Variants in FHIP1A observed in about 807,000 individuals in gnomAD.
FHIP1A encodes the protein FHF complex subunit HOOK-interacting protein 1A.
In FHIP1A, 61 loss-of-function variants were observed where a neutral mutation model predicts 88.6. The observed-to-expected ratio is 0.69, with a 90% confidence interval of 0.56 to 0.85. FHIP1A has a LOEUF of 0.85. Ranked by LOEUF, FHIP1A falls within the 40% of genes least tolerant of loss-of-function variation. The probability of loss-of-function intolerance (pLI) is 0.00; values close to 1 mark genes in which losing one functional copy is unlikely to be tolerated. For missense variants in FHIP1A, 1,154 were observed against 1,273.5 expected, an observed-to-expected ratio of 0.91 and a Z score of 1.43; for synonymous variants, 478 against 496.0, an observed-to-expected ratio of 0.96 and a Z score of 0.48.
At chr4:151,634,048 A>T (rs1272889674) in intron 8 of FHIP1A, among the ~76,000 whole-genome samples, 1 of 151,856 alleles carries the variant, frequency 6.6e-6, no homozygotes, top group Non-Finnish European at 1.5e-5. Context: ...TCACCAAAAA[A>T]CTGTTAGAAC....
At chr4:151,467,954 ACGCT>A (rs1729379534) in intron 2 of FHIP1A, among the ~76,000 whole-genome samples, 1 of 150,930 alleles carries the variant, frequency 6.6e-6, no homozygotes, top group Non-Finnish European at 1.5e-5. Flanking sequence ...TATGTAACAA[ACGCT>A]CACGTTCTGC....
chr4:151,538,568 A>G (rs1206027310), intron 3 of FHIP1A, among the ~76,000 whole-genome samples: 1 of 152,166 alleles, frequency 6.6e-6, no homozygotes, highest in Non-Finnish European at 1.5e-5. Context: ...ACCTTGAGCC[A>G]TTACTATTTC....
intron 3 of FHIP1A, among the ~76,000 whole-genome samples, chr4:151,526,904 G>A (rs928429020): frequency 6.0e-5 from 9 of 149,732 alleles, no homozygotes; most frequent in Non-Finnish European, 8.9e-5. Flanking sequence ...GGGCAGAGGC[G>A]CTCCCCACAT....
chr4:151,636,223 G>C (rs1474845634), intron 8 of FHIP1A, among the ~76,000 whole-genome samples: 1 of 151,920 alleles, frequency 6.6e-6, no homozygotes, highest in Non-Finnish European at 1.5e-5. Flanking sequence ...AAAACATCAT[G>C]ATTATCAACA....
At position 151,649,907 on chromosome 4, in the gene FHIP1A, G is replaced by T. The variant is rs750377593; in HGVS notation, c.1866G>T (p.Lys622Asn). ...DPPKHIQEMKKNALLLFKGSY... is the reference protein window; with the variant it reads ...DPPKHIQEMKNNALLLFKGSY... ...CCAAACACATCCAGGAGATGAAGAA[G>T]AATGCCCTCCTGCTCTTCAAAGGGT... Residue 622 changes from lysine to asparagine, a missense_variant, in exon 11 of 14, where the codon AAG becomes AAT. By Grantham distance (94) the Lys-to-Asn change is moderately conservative (BLOSUM62 0). Transcript: ENST00000435205. The T allele has an allele frequency of 3.9e-6, 6 of 1,551,490 alleles. No individual in the cohort carries two copies. Among genetic ancestry groups the T allele is most frequent in the Admixed American group, 2.0e-5 (1 of 50,986 alleles).
At chr4:151,461,583 C>T (rs562818758) in intron 2 of FHIP1A, among the ~76,000 whole-genome samples, 93 of 152,170 alleles carry the variant, frequency 6.1e-4, no homozygotes, top group Non-Finnish European at 6.9e-4. Flanking sequence ...ATCAAAACAT[C>T]GCTAGGTACC....
chr4:151,577,701 A>T lies in FHIP1A; in HGVS notation c.357A>T (p.Leu119=). The change falls in exon 5 of 14, where the codon CTA becomes CTT. Residue 119 remains leucine (L), a synonymous_variant. Coordinates refer to ENST00000435205, the MANE Select transcript of FHIP1A (RefSeq NM_001109977.3). ...EFTDETKIEQ[L]KMYEMLVTQS... ...CTGATGAGACTAAAATTGAGCAGCTAAAGATGTATGAGATGTTGGTCACCC... is the reference window on the plus strand; with the variant it reads ...CTGATGAGACTAAAATTGAGCAGCTTAAGATGTATGAGATGTTGGTCACCC... 6.4e-7 allele frequency: 1 copy of T among 1,551,634 alleles called. No individual in the cohort carries two copies. The highest frequency in any genetic ancestry group is 8.7e-7 in the Non-Finnish European group (1 of 1,146,996).
chr4:151,503,149 A>C (rs564728176), intron 3 of FHIP1A, among the ~76,000 whole-genome samples: 1 of 152,266 alleles, frequency 6.6e-6, no homozygotes, highest in African/African-American at 2.4e-5. Flanking sequence ...TTTATTCCAA[A>C]GGTAGGTTAG....
chr4:151,454,722 G>A lies in FHIP1A; in HGVS notation c.-334G>A, dbSNP rs1728910894. On this transcript the variant is annotated 5_prime_UTR_variant, in exon 2 of 14. Transcript: ENST00000435205. ...CCAGGTGATACACTTGGGTGTTGAA[G>A]GACATTTTTGAAATCATGAGAACTC... The A allele has an allele frequency of 6.6e-6, 1 of 151,740 alleles. No homozygotes were observed. The highest frequency in any genetic ancestry group is 1.5e-5 in the Non-Finnish European group (1 of 67,946). 9.4% of individuals were successfully genotyped at this position (151,740 alleles called of 1,614,324 possible). A position where few individuals can be genotyped will look rare whatever the true frequency, so the allele number is the denominator to read the frequency against.
At chr4:151,571,486 G>A (rs1159901100) in intron 4 of FHIP1A, among the ~76,000 whole-genome samples, 2 of 152,162 alleles carry the variant, frequency 1.3e-5, no homozygotes, top group East Asian at 1.9e-4. Flanking sequence ...TAAGTCAAAT[G>A]TCTTCCCACA....
intron 8 of FHIP1A, 94 bp from the exon 9 acceptor site, chr4:151,638,583 A>C: frequency 7.3e-6 from 5 of 680,344 alleles, no homozygotes; most frequent in South Asian, 2.3e-5. Flanking sequence ...AAAAAAGGCC[A>C]TTATATTTTG....
At chr4:151,560,039 A>G (rs1440613553) in intron 3 of FHIP1A, among the ~76,000 whole-genome samples, 1 of 152,126 alleles carries the variant, frequency 6.6e-6, no homozygotes, top group Non-Finnish European at 1.5e-5. Context: ...GAAGCGGGGC[A>G]CCTCATGGAC....
In FHIP1A at chr4:151,665,047, T is replaced by C. The variant is rs941254346; in HGVS notation, c.*2293T>C. 2.6e-5 allele frequency among the ~76,000 whole-genome samples: 4 copies of C among 152,190 alleles called. No individual in the cohort carries two copies. Among genetic ancestry groups the C allele is most frequent in the Non-Finnish European group, 4.4e-5 (3 of 68,044 alleles). On this transcript the variant is annotated 3_prime_UTR_variant, in exon 14 of 14. Transcript: ENST00000435205. ...TAGAGTGGAGTGGTGTGATCACAGC[T>C]CATTGTAGCCTCAACCTCCTGGGCT...
rs56199696 is a variant in FHIP1A at position 151,445,849 on chromosome 4, A to AATATATATATAT, written c.-355-8839_-355-8828dup. On this transcript the variant is annotated intron_variant, in intron 1 of 13. Coordinates refer to ENST00000435205, the MANE Select transcript of FHIP1A (RefSeq NM_001109977.3). ...CAGCCTGAGAGACCTCATCTCTTAA[A>AATATATATATAT]ATATATATATATATATATATATATT... Among the ~76,000 whole-genome samples, 420 of 97,986 alleles carry AATATATATATAT rather than the reference A, an allele frequency of 4.3e-3. 19 individuals carry two copies. Among genetic ancestry groups the AATATATATATAT allele is most frequent in the South Asian group, 8.0e-3 (25 of 3,112 alleles). The allele number at this position is 97,986 out of a possible 152,430, so 64.3% of individuals were successfully genotyped here.
chr4:151,462,034 T>C (rs1373499318), intron 2 of FHIP1A, among the ~76,000 whole-genome samples: 2 of 152,108 alleles, frequency 1.3e-5, no homozygotes, highest in Non-Finnish European at 2.9e-5. Flanking sequence ...TGGTGGTGCA[T>C]GCCTATAGTC....
intron 13 of FHIP1A, among the ~76,000 whole-genome samples, chr4:151,657,995 C>G (rs17275612): frequency 0.11 from 17,381 of 152,180 alleles, 1,052 homozygotes; most frequent in African/African-American, 0.14. Context: ...GTGATGAGCT[C>G]TTAGGGTACT....
intron 3 of FHIP1A, among the ~76,000 whole-genome samples, chr4:151,545,868 T>TACA (rs1732483643): frequency 1.3e-5 from 2 of 152,230 alleles, no homozygotes; most frequent in South Asian, 4.1e-4. Context: ...TGAATGCTGT[T>TACA]ATGCTGTTTA....
rs185314390 is a variant in FHIP1A, at chr4:151,658,058, A to T, written c.2869+1160A>T. On this transcript the variant is annotated intron_variant, in intron 13 of 13. Coordinates refer to ENST00000435205, the MANE Select transcript of FHIP1A (RefSeq NM_001109977.3). ...GCCATGTGCCACTGGTAAAGCGAGG[A>T]GTCGGGCTTTGAGAAGAGCAGGCAA... 1.3e-3 allele frequency among the ~76,000 whole-genome samples: 192 copies of T among 152,272 alleles called. 1 individual carries two copies. The highest frequency in any genetic ancestry group is 4.4e-4 in the Non-Finnish European group (30 of 68,020).
intron 1 of FHIP1A, among the ~76,000 whole-genome samples, chr4:151,411,601 T>C (rs1732649400): frequency 6.6e-6 from 1 of 152,102 alleles, no homozygotes; most frequent in Non-Finnish European, 1.5e-5. Context: ...CCGCCTGCCT[T>C]GGTCTCCCAA....
Sources: allele counts gnomAD v4.1 joint callset (sites outside exome capture counted in the v4.1 genomes callset), GRCh38; gene constraint gnomAD v4.1.1; transcripts MANE v1.5; gene names NCBI Gene and HGNC (gene_info 2026-07-23, HGNC 2026-07-21).